Variants in SCCPDH observed in about 807,000 individuals in gnomAD.
SCCPDH encodes saccharopine dehydrogenase (putative).
A neutral mutation model predicts 51.5 loss-of-function variants in SCCPDH; 34 were observed. The observed-to-expected ratio is 0.66, with a 90% CI of 0.50 to 0.88. The LOEUF (loss-of-function observed/expected upper bound fraction) is 0.88. SCCPDH is among the 40% of genes least tolerant of loss of function. The probability of loss-of-function intolerance (pLI) is 0.00; values close to 1 mark genes in which losing one functional copy is unlikely to be tolerated. For synonymous variants in SCCPDH, 187 were observed against 191.3 expected, an observed-to-expected ratio of 0.98 and a Z score of 0.19; for missense variants, 464 against 527.1, an observed-to-expected ratio of 0.88 and a Z score of 1.17.
chr1:246,736,558 G>A (rs143894255), intron 3 of SCCPDH, among the ~76,000 whole-genome samples: 2,068 of 152,050 alleles, frequency 0.014, 46 homozygotes, highest in African/African-American at 0.046. Context: ...AAAGTGAGCC[G>A]GGCATGGTGG....
Position 246,724,537 on chromosome 1 carries a change from C to G in SCCPDH, c.115C>G (p.Arg39Gly). The G allele has an allele frequency of 1.9e-6, 3 of 1,552,304 alleles. No homozygotes were observed. Among genetic ancestry groups the G allele is most frequent in the Non-Finnish European group, 2.6e-6 (3 of 1,151,604 alleles). Residue 39 changes from arginine to glycine, a missense_variant, in exon 1 of 12, where the codon CGC becomes GGC. Coordinates refer to ENST00000366510, the MANE Select transcript of SCCPDH (RefSeq NM_016002.3). The stretch of plus-strand genomic sequence containing the variant: ...GCAGGTGGACCCGGAGCGGAGCTCC[C>G]GCCTGCCCTGGGCCGTGGCGGGCCG... ...REQVDPERSSRLPWAVAGRSR... is the reference protein window; with the variant it reads ...REQVDPERSSGLPWAVAGRSR...
chr1:246,764,635 T>C (rs2102991713), intron 10 of SCCPDH, among the ~76,000 whole-genome samples: 1 of 152,370 alleles, frequency 6.6e-6, no homozygotes, highest in African/African-American at 2.4e-5. Flanking sequence ...GATTGGTTGA[T>C]ATTCACCTGT....
intron 2 of SCCPDH, among the ~76,000 whole-genome samples, chr1:246,728,029 C>T (rs1668428664): frequency 1.5e-5 from 2 of 131,464 alleles, no homozygotes; most frequent in Admixed American, 1.5e-4. Flanking sequence ...AAGCACAAGC[C>T]CTGGGGTCGT....
chr1:246,729,168 G>C (rs1452085339), intron 2 of SCCPDH, among the ~76,000 whole-genome samples: 1 of 152,136 alleles, frequency 6.6e-6, no homozygotes, highest in East Asian at 1.9e-4. Flanking sequence ...AGATCACAAG[G>C]CCAGGGCAAA....
intron 3 of SCCPDH, among the ~76,000 whole-genome samples, chr1:246,739,705 GT>G (rs935973561): frequency 1.4e-4 from 22 of 152,206 alleles, no homozygotes; most frequent in African/African-American, 3.6e-4. Context: ...ATCTTAAACT[GT>G]TTTTAAAAAG....
chr1:246,760,962 C>T (rs1440593410), intron 9 of SCCPDH, among the ~76,000 whole-genome samples: 1 of 152,206 alleles, frequency 6.6e-6, no homozygotes, highest in Non-Finnish European at 1.5e-5. Context: ...ATCCCAACTC[C>T]TACCTCACTA....
At chr1:246,736,489 C>G (rs750571565) in intron 3 of SCCPDH, among the ~76,000 whole-genome samples, 2 of 152,092 alleles carry the variant, frequency 1.3e-5, no homozygotes, top group Non-Finnish European at 2.9e-5. Context: ...ATCATGAGGT[C>G]AGGAGATCGA....
chr1:246,756,962 A>G (rs551523778), intron 5 of SCCPDH, among the ~76,000 whole-genome samples: 11 of 152,368 alleles, frequency 7.2e-5, no homozygotes, highest in Non-Finnish European at 1.3e-4. Flanking sequence ...AAGGAAGGAC[A>G]TAATACAATT....
chr1:246,763,441 C>T lies in SCCPDH; in HGVS notation c.991-805C>T, dbSNP rs147678003. Among the ~76,000 whole-genome samples, 823 of 152,310 alleles carry T rather than the reference C, an allele frequency of 5.4e-3. 9 individuals are homozygous for T. Among genetic ancestry groups the T allele is most frequent in the African/African-American group, 0.019 (787 of 41,564 alleles). On this transcript the variant is annotated intron_variant, in intron 9 of 11. Coordinates refer to ENST00000366510, the MANE Select transcript of SCCPDH (RefSeq NM_016002.3). ...CTGGAAAGGCTATGCTACTGCATCC[C>T]TTCTTCCCTTTAAATAATGGGTTCT...
At chr1:246,748,076 C>G (rs758251607) in intron 5 of SCCPDH, among the ~76,000 whole-genome samples, 4 of 152,018 alleles carry the variant, frequency 2.6e-5, no homozygotes, top group Non-Finnish European at 4.4e-5. Context: ...CCTCTTCAAA[C>G]TTTTTTTAAC....
At chr1:246,756,134 A>C (rs935234633) in intron 5 of SCCPDH, among the ~76,000 whole-genome samples, 14 of 152,228 alleles carry the variant, frequency 9.2e-5, no homozygotes, top group Non-Finnish European at 1.2e-4. Flanking sequence ...TAAGAAAGTC[A>C]AAAGGCTAGC....
At chr1:246,748,974 C>T (rs1668810822) in intron 5 of SCCPDH, among the ~76,000 whole-genome samples, 1 of 152,224 alleles carries the variant, frequency 6.6e-6, no homozygotes, top group African/African-American at 2.4e-5. Context: ...CCTGTTAAGT[C>T]TCCAAGGAAT....
intron 4 of SCCPDH, 143 bp from the exon 5 acceptor site, chr1:246,743,933 C>G: frequency 1.8e-6 from 1 of 545,586 alleles, no homozygotes; most frequent in East Asian, 3.0e-5. Flanking sequence ...CATAATAAAA[C>G]TGTTGTCTGT....
intron 5 of SCCPDH, chr1:246,755,924 C>T (rs1477334174): frequency 1.3e-5 from 2 of 152,110 alleles, no homozygotes; most frequent in African/African-American, 4.8e-5. Context: ...GCTGCTGGGA[C>T]AATTGAGTAT....
intron 5 of SCCPDH, among the ~76,000 whole-genome samples, chr1:246,744,370 G>T (rs1349053174): frequency 6.6e-6 from 1 of 152,090 alleles, no homozygotes; most frequent in East Asian, 1.9e-4. Flanking sequence ...CCAGGCTGGA[G>T]TGCAATGGCA....
At chr1:246,750,881 T>C (rs1036257958) in intron 5 of SCCPDH, among the ~76,000 whole-genome samples, 2 of 152,250 alleles carry the variant, frequency 1.3e-5, no homozygotes, top group African/African-American at 4.8e-5. Flanking sequence ...TTTTATAGTT[T>C]GTTTATTGGT....
intron 2 of SCCPDH, among the ~76,000 whole-genome samples, chr1:246,727,781 T>G (rs1668424525): frequency 6.6e-6 from 1 of 151,422 alleles, no homozygotes; most frequent in Non-Finnish European, 1.5e-5. Context: ...GACTGAAGAG[T>G]GTGACAGAGG....
intron 5 of SCCPDH, among the ~76,000 whole-genome samples, chr1:246,745,622 A>C (rs1478668329): frequency 1.3e-5 from 2 of 152,194 alleles, no homozygotes; most frequent in African/African-American, 2.4e-5. Flanking sequence ...GAAATAGTGT[A>C]TCAAAGACAA....
At chr1:246,736,400 T>C (rs1274105595) in intron 3 of SCCPDH, among the ~76,000 whole-genome samples, 1 of 152,162 alleles carries the variant, frequency 6.6e-6, no homozygotes, top group Non-Finnish European at 1.5e-5. Flanking sequence ...GAATTCCCTT[T>C]TAAAAATCAG....
Sources: allele counts gnomAD v4.1 joint callset (sites outside exome capture counted in the v4.1 genomes callset), GRCh38; gene constraint gnomAD v4.1.1; transcripts MANE v1.5; gene names NCBI Gene and HGNC (gene_info 2026-07-23, HGNC 2026-07-21).